The following INPP5D variants were observed in gnomAD, a reference collection of about 807,000 sequenced individuals.
INPP5D encodes the protein inositol polyphosphate-5-phosphatase D.
In INPP5D, 33 loss-of-function variants were observed where a neutral mutation model predicts 122.9. The observed-to-expected ratio is 0.27, with a 90% CI of 0.20 to 0.36. INPP5D has a LOEUF of 0.36. Ranked by LOEUF, INPP5D falls within the 10% of genes least tolerant of loss-of-function variation. INPP5D has a pLI of 1.00. For missense variants in INPP5D, 1,053 were observed against 1,412.7 expected, an observed-to-expected ratio of 0.75 and a Z score of 4.08; for synonymous variants, 584 against 576.2, an observed-to-expected ratio of 1.01 and a Z score of -0.19.
intron 9 of INPP5D, among the ~76,000 whole-genome samples, chr2:233,151,760 T>C (rs1363089559): frequency 1.3e-5 from 2 of 152,212 alleles, no homozygotes; most frequent in Non-Finnish European, 2.9e-5. Flanking sequence ...AAACAGTGCT[T>C]AGCACAGAGT....
At chr2:233,166,252 A>G (rs1307320505) in intron 13 of INPP5D, among the ~76,000 whole-genome samples, 1 of 151,790 alleles carries the variant, frequency 6.6e-6, no homozygotes, top group Admixed American at 6.6e-5. Context: ...ATATGCTCGG[A>G]CCTCCTAGGG....
chr2:233,128,953 G>A lies in INPP5D; in HGVS notation c.525-1555G>A, dbSNP rs536644631. Among the ~76,000 whole-genome samples the A allele has an allele frequency of 1.2e-3, 177 of 152,282 alleles. No homozygotes were observed. Among genetic ancestry groups the A allele is most frequent in the African/African-American group, 4.2e-3 (173 of 41,548 alleles). On this transcript the variant is annotated intron_variant, in intron 4 of 26. Transcript: ENST00000445964. The surrounding 1 kb of genome is among the most constrained non-coding windows in gnomAD (Gnocchi z 4.5). ...CCCAGCACTTTGGGAGCCTGAGGCAGTGGATCACCTGAGGTCAGCCTGGCC... is the reference window on the plus strand; with the variant it reads ...CCCAGCACTTTGGGAGCCTGAGGCAATGGATCACCTGAGGTCAGCCTGGCC...
intron 2 of INPP5D, among the ~76,000 whole-genome samples, chr2:233,095,742 G>C (rs1344399951): frequency 1.2e-5 from 1 of 80,302 alleles, no homozygotes; most frequent in Admixed American, 1.2e-4. Flanking sequence ...TTATATCTCA[G>C]CTTGGTCAAA....
rs10710966 is a variant in INPP5D, at chr2:233,077,859, CAA to C, written c.135-1459_135-1458del. 9.4e-3 allele frequency among the ~76,000 whole-genome samples: 1,084 copies of C among 115,624 alleles called. 15 individuals carry two copies. The highest frequency in any genetic ancestry group is 0.029 in the African/African-American group (865 of 30,108). 75.9% of individuals were successfully genotyped at this position (115,624 alleles called of 152,430 possible). A position where few individuals can be genotyped will look rare whatever the true frequency, so the allele number is the denominator to read the frequency against. ...TGAGTGACAGAGTGAGACTCCGTCT[CAA>C]AAAAAAAAAAAAAAAATCTAGTTAA... On this transcript the variant is annotated intron_variant, in intron 1 of 26. Transcript: ENST00000445964.
At chr2:233,091,857 C>T (rs1227268141) in intron 2 of INPP5D, among the ~76,000 whole-genome samples, 3 of 152,208 alleles carry the variant, frequency 2.0e-5, no homozygotes, top group Non-Finnish European at 4.4e-5. Context: ...GTAAGACTCA[C>T]GAGAGCCAAG....
Position 233,171,146 on chromosome 2 carries a change from G to A in INPP5D, c.1983G>A (p.Ala661=), listed in dbSNP as rs377483127. Residue 661 remains alanine, a synonymous_variant, in exon 17 of 27, where the codon GCG becomes GCA. Transcript: ENST00000445964. ...RDKYAYTKQK[A]TGMKYNLPSW... ...AATACGCCTACACCAAGCAGAAAGC[G>A]ACAGGGGTGAGTCCTCTTCATAGAC... The A allele has an allele frequency of 1.1e-5, 18 of 1,613,614 alleles. No homozygotes were observed. Among genetic ancestry groups the A allele is most frequent in the African/African-American group, 2.7e-5 (2 of 74,956 alleles).
intron 9 of INPP5D, 102 bp from the exon 10 acceptor site, chr2:233,158,211 T>G (rs1694105422): frequency 6.6e-6 from 4 of 606,278 alleles, no homozygotes; most frequent in Non-Finnish European, 1.2e-5. Context: ...GGGCTCAGCT[T>G]GGGGACGGGA....
intron 2 of INPP5D, among the ~76,000 whole-genome samples, chr2:233,111,182 A>T (rs1692616315): frequency 6.6e-6 from 1 of 152,202 alleles, no homozygotes; most frequent in Non-Finnish European, 1.5e-5. Flanking sequence ...TTCCTAAGTG[A>T]TAAAGACTCT....
chr2:233,198,042 G>T, intron 24 of INPP5D, 53 bp from the exon 25 acceptor site: 2 of 1,487,056 alleles, frequency 1.3e-6, no homozygotes, highest in South Asian at 2.7e-5. Context: ...GGCTGGTGCT[G>T]ACCCCGAGAA....
At chr2:233,195,291 C>T in intron 23 of INPP5D, 108 bp from the exon 24 acceptor site, 3 of 1,546,746 alleles carry the variant, frequency 1.9e-6, no homozygotes, top group Non-Finnish European at 2.6e-6. Context: ...CAGGTACTCA[C>T]TATTCACTGT....
At chr2:233,064,260 G>A (rs957464466) in intron 1 of INPP5D, among the ~76,000 whole-genome samples, 1 of 152,264 alleles carries the variant, frequency 6.6e-6, no homozygotes, top group Non-Finnish European at 1.5e-5. Flanking sequence ...CCCTCATGGG[G>A]GAGGCGAAGG....
At chr2:233,195,612 C>G in intron 24 of INPP5D, 117 bp downstream of exon 24, 1 of 1,505,456 alleles carries the variant, frequency 6.6e-7, no homozygotes, top group Non-Finnish European at 8.9e-7. Flanking sequence ...TTTGGGAGGC[C>G]AAGGCTGGAG....
intron 2 of INPP5D, among the ~76,000 whole-genome samples, chr2:233,088,803 G>C (rs1036752372): frequency 1.1e-4 from 16 of 152,220 alleles, no homozygotes; most frequent in African/African-American, 3.6e-4. Flanking sequence ...AGAAAGGGCT[G>C]AGACTTTGGG....
At chr2:233,115,972 CAG>C (rs1364084164) in intron 2 of INPP5D, among the ~76,000 whole-genome samples, 1 of 152,132 alleles carries the variant, frequency 6.6e-6, no homozygotes, top group African/African-American at 2.4e-5. Context: ...GAGCTGTCTG[CAG>C]AGACTCTGTA....
intron 2 of INPP5D, among the ~76,000 whole-genome samples, chr2:233,101,457 A>T (rs1330680526): frequency 6.6e-6 from 1 of 151,594 alleles, no homozygotes; most frequent in Non-Finnish European, 1.5e-5. Context: ...CAGATTAATA[A>T]TCACTTCTTT....
intron 2 of INPP5D, among the ~76,000 whole-genome samples, chr2:233,117,399 T>C (rs1692832594): frequency 1.3e-5 from 2 of 152,270 alleles, no homozygotes; most frequent in South Asian, 4.2e-4. Context: ...TTCATTCGCT[T>C]CCCTGCCCCC....
chr2:233,118,039 T>C (rs1041475347), intron 2 of INPP5D, among the ~76,000 whole-genome samples: 1 of 152,208 alleles, frequency 6.6e-6, no homozygotes, highest in East Asian at 1.9e-4. Context: ...CTGTCCTGAC[T>C]GTGGGCACAC....
intron 9 of INPP5D, among the ~76,000 whole-genome samples, chr2:233,156,521 C>G (rs1028536209): frequency 2.0e-5 from 3 of 152,160 alleles, no homozygotes; most frequent in Non-Finnish European, 4.4e-5. Flanking sequence ...TCTCAAACTC[C>G]TGAGCTCAGG....
chr2:233,063,079 C>G (rs979675091), intron 1 of INPP5D, among the ~76,000 whole-genome samples: 2 of 152,092 alleles, frequency 1.3e-5, no homozygotes, highest in Non-Finnish European at 2.9e-5. Context: ...CCTGCAGAGT[C>G]GCCGTGGCCT....
Sources: gnomAD v4.1 joint callset for allele counts (sites outside exome capture counted in the v4.1 genomes callset) on GRCh38, gnomAD v4.1.1 for gene constraint, Gnocchi (gnomAD v3.1) non-coding constraint, MANE v1.5 for transcripts, NCBI Gene and HGNC (gene_info 2026-07-23, HGNC 2026-07-21) for gene names.